The following ERC1 variants were observed in gnomAD, a reference collection of about 807,000 sequenced individuals.
ERC1 encodes RAB6 interacting protein 2.
A neutral mutation model predicts 132.0 loss-of-function variants in ERC1; 56 were observed. That is an observed-to-expected ratio of 0.42 (90% confidence interval 0.34 to 0.53). The LOEUF (loss-of-function observed/expected upper bound fraction) is 0.53, where lower values mean the gene tolerates loss of function less well. ERC1 is among the 20% of genes least tolerant of loss of function. ERC1 has a pLI of 0.03. For synonymous variants in ERC1, 478 were observed against 476.1 expected, an observed-to-expected ratio of 1.00 and a Z score of -0.05; for missense variants, 1,202 against 1,349.9, an observed-to-expected ratio of 0.89 and a Z score of 1.72.
At chr12:1,348,490 C>G (rs574381009) in intron 15 of ERC1, among the ~76,000 whole-genome samples, 2 of 152,032 alleles carry the variant, frequency 1.3e-5, no homozygotes, top group African/African-American at 4.8e-5. Context: ...AGTTCGAGAC[C>G]ATCCTGGCCA....
chr12:1,034,159 A>T (rs1378180026), intron 2 of ERC1, among the ~76,000 whole-genome samples: 1 of 152,160 alleles, frequency 6.6e-6, no homozygotes, highest in South Asian at 2.1e-4. Flanking sequence ...GATTCTTTAT[A>T]TGTATTTAGA....
At chr12:1,058,512 G>A (rs1973423069) in intron 2 of ERC1, among the ~76,000 whole-genome samples, 1 of 152,048 alleles carries the variant, frequency 6.6e-6, no homozygotes, top group Non-Finnish European at 1.5e-5. Flanking sequence ...GTAAATATGT[G>A]GATTTATTTC....
chr12:1,195,189 A>T (rs1956107529), intron 12 of ERC1, among the ~76,000 whole-genome samples: 1 of 152,204 alleles, frequency 6.6e-6, no homozygotes, highest in African/African-American at 2.4e-5. Context: ...CTATACACTT[A>T]TGTGACTACC....
intron 7 of ERC1, among the ~76,000 whole-genome samples, chr12:1,124,377 A>C (rs1268600481): frequency 6.6e-6 from 1 of 152,212 alleles, no homozygotes; most frequent in Non-Finnish European, 1.5e-5. Context: ...TAAGTATATA[A>C]TCTTGAAACA....
At chr12:1,002,843 A>G (rs569166139) in intron 1 of ERC1, among the ~76,000 whole-genome samples, 4 of 152,002 alleles carry the variant, frequency 2.6e-5, no homozygotes, top group South Asian at 4.2e-4. Context: ...GTCTTGCCCA[A>G]TTTTATCTTT....
chr12:1,177,247 C>T (rs1002329712), intron 8 of ERC1, among the ~76,000 whole-genome samples: 4 of 152,136 alleles, frequency 2.6e-5, no homozygotes, highest in Non-Finnish European at 2.9e-5. Context: ...GTGTGTTCAT[C>T]GGAGTGGCAC....
chr12:1,167,003 G>T (rs1275128557), intron 8 of ERC1, among the ~76,000 whole-genome samples: 2 of 152,192 alleles, frequency 1.3e-5, no homozygotes, highest in African/African-American at 4.8e-5. Flanking sequence ...TTGAGGATCT[G>T]TGCTTATCTG....
At chr12:1,234,834 A>G (rs1266222079) in intron 12 of ERC1, among the ~76,000 whole-genome samples, 1 of 152,216 alleles carries the variant, frequency 6.6e-6, no homozygotes, top group Admixed American at 6.5e-5. Flanking sequence ...GGGAAAATTC[A>G]TTATAAATAC....
At position 1,494,068 on chromosome 12, in the gene ERC1, G is replaced by A; in HGVS notation, c.*3838G>A. On this transcript the variant is annotated 3_prime_UTR_variant, in exon 19 of 19. Coordinates refer to ENST00000360905, the MANE Select transcript of ERC1 (RefSeq NM_178040.4). The stretch of plus-strand genomic sequence containing the variant: ...TAGGCCCGGTGTCAAGACCCTCAGA[G>A]TCTTTGAGGAAAGAGCCAAGCAGAG... 2 of 231,794 alleles carry A rather than the reference G, an allele frequency of 8.6e-6. No individual in the cohort carries two copies. Among genetic ancestry groups the A allele is most frequent in the Middle Eastern group, 1.3e-3 (1 of 784 alleles). The allele number at this position is 231,794 out of a possible 1,614,324, so 14.4% of individuals were successfully genotyped here.
At chr12:1,383,730 C>A (rs762492808) in intron 16 of ERC1, among the ~76,000 whole-genome samples, 1 of 152,158 alleles carries the variant, frequency 6.6e-6, no homozygotes. Context: ...CACTGAGTGC[C>A]GTTTTCAGAA....
At chr12:1,163,589 T>G (rs1226799034) in intron 8 of ERC1, among the ~76,000 whole-genome samples, 2 of 152,230 alleles carry the variant, frequency 1.3e-5, no homozygotes, top group African/African-American at 4.8e-5. Context: ...TAGTTTGTTC[T>G]TGATTTGTGT....
In ERC1 at chr12:1,408,262, G is replaced by GT; in HGVS notation, c.3024+15_3024+16insT. ...CCCCAGACCAGGTAAGATGGCTCTGGAATGTTTTATTAAAAAACCCACACA... is the reference window on the plus strand; with the variant it reads ...CCCCAGACCAGGTAAGATGGCTCTGGTAATGTTTTATTAAAAAACCCACACA... On this transcript the variant is annotated intron_variant, in intron 17 of 18. Transcript: ENST00000360905. 1.3e-6 allele frequency: 2 copies of GT among 1,588,786 alleles called. No homozygotes were observed. Among genetic ancestry groups the GT allele is most frequent in the Non-Finnish European group, 1.7e-6 (2 of 1,161,342 alleles).
chr12:1,099,612 A>G (rs1250556771), intron 3 of ERC1, among the ~76,000 whole-genome samples: 3 of 152,158 alleles, frequency 2.0e-5, no homozygotes, highest in Non-Finnish European at 2.9e-5. Flanking sequence ...CATTCATTTG[A>G]CAAATATTTG....
intron 8 of ERC1, among the ~76,000 whole-genome samples, chr12:1,154,187 C>T (rs752137900): frequency 3.7e-4 from 52 of 141,926 alleles, no homozygotes; most frequent in Admixed American, 1.0e-3. Flanking sequence ...TTTTCATGGC[C>T]GAGTAGTATT....
chr12:1,065,114 C>T (rs1054377767), intron 2 of ERC1, among the ~76,000 whole-genome samples: 12 of 152,112 alleles, frequency 7.9e-5, no homozygotes, highest in African/African-American at 2.4e-4. Context: ...GATTCTGCTG[C>T]CTCAGCCTCC....
intron 1 of ERC1, among the ~76,000 whole-genome samples, chr12:1,027,012 C>T (rs1966999866): frequency 6.6e-6 from 1 of 152,306 alleles, no homozygotes; most frequent in African/African-American, 2.4e-5. Context: ...CAGTGTTTGT[C>T]TTCTCATCCA....
chr12:1,316,298 G>A (rs892599738), intron 15 of ERC1, among the ~76,000 whole-genome samples: 2 of 151,992 alleles, frequency 1.3e-5, no homozygotes, highest in South Asian at 2.1e-4. Flanking sequence ...ATAACTACTT[G>A]TCAGGTTGAG....
intron 18 of ERC1, among the ~76,000 whole-genome samples, chr12:1,458,962 G>T (rs2093594336): frequency 6.6e-6 from 1 of 152,206 alleles, no homozygotes; most frequent in Non-Finnish European, 1.5e-5. Flanking sequence ...GGCTGTGTGT[G>T]GGAAAGCACG....
rs943079739 is a variant in ERC1, at chr12:1,027,842, G to A, written c.-62G>A. ...TGTAGCCATAGAGACACCTCACAAG[G>A]TTCCCATTTTTGTTGTTGTTGTTGT... is the stretch of plus-strand genomic sequence containing the variant. On this transcript the variant is annotated 5_prime_UTR_variant, in exon 2 of 19. Transcript: ENST00000360905. 6.8e-7 allele frequency: 1 copy of A among 1,461,042 alleles called. No individual in the cohort carries two copies. Among genetic ancestry groups the A allele is most frequent in the South Asian group, 1.3e-5 (1 of 76,404 alleles). The allele number at this position is 1,461,042 out of a possible 1,614,324, so 90.5% of individuals were successfully genotyped here. A position where few individuals can be genotyped will look rare whatever the true frequency, so the allele number is the denominator to read the frequency against.
Sources: gnomAD v4.1 joint callset for allele counts (sites outside exome capture counted in the v4.1 genomes callset) on GRCh38, gnomAD v4.1.1 for gene constraint, MANE v1.5 for transcripts, NCBI Gene and HGNC (gene_info 2026-07-23, HGNC 2026-07-21) for gene names.